The following KIF2C variants were observed in gnomAD, a reference collection of about 807,000 sequenced individuals.
KIF2C encodes kinesin family member 2C.
Under a neutral mutation model 97.4 loss-of-function variants are expected in KIF2C, and 34 were observed. The ratio of observed to expected loss-of-function variants is 0.35; its 90% CI spans 0.27 to 0.46. The LOEUF (loss-of-function observed/expected upper bound fraction) is 0.46, where lower values mean the gene tolerates loss of function less well. Ranked by LOEUF, KIF2C falls within the 20% of genes least tolerant of loss-of-function variation. KIF2C has a pLI of 1.00. For synonymous variants in KIF2C, 313 were observed against 318.2 expected, an observed-to-expected ratio of 0.98 and a Z score of 0.17; for missense variants, 750 against 907.6, an observed-to-expected ratio of 0.83 and a Z score of 2.23.
intron 6 of KIF2C, 36 bp downstream of exon 6, chr1:44,753,290 G>A (rs1367327657): frequency 6.3e-7 from 1 of 1,590,536 alleles, no homozygotes; most frequent in African/African-American, 1.3e-5. Flanking sequence ...TCTGCTTCTA[G>A]TGAGGCACAG....
At position 44,762,660 on chromosome 1, in the gene KIF2C, TA is replaced by T. The variant is rs1557601556; in HGVS notation, c.1971+3del. On this transcript the variant is annotated splice_donor_region_variant and intron_variant, in intron 19 of 20. Coordinates refer to ENST00000372224, the MANE Select transcript of KIF2C (RefSeq NM_006845.4). ...GAAGAGCTCAAGGAGATCATACAGG[TA>T]GGCAGCTGGCCCTGGACAGGGAGCT... 2 of 1,603,668 alleles carry T rather than the reference TA, an allele frequency of 1.2e-6. No individual in the cohort carries two copies. The highest frequency in any genetic ancestry group is 1.7e-5 in the Admixed American group (1 of 59,990).
intron 5 of KIF2C, among the ~76,000 whole-genome samples, chr1:44,751,324 T>C (rs1446759209): frequency 1.3e-5 from 2 of 151,978 alleles, no homozygotes; most frequent in Admixed American, 6.6e-5. Context: ...GCCTCCTGGG[T>C]AGCTGGGATT....
chr1:44,740,884 G>T, intron 1 of KIF2C, 29 bp from the exon 2 acceptor site: 1 of 1,520,824 alleles, frequency 6.6e-7, no homozygotes, highest in South Asian at 1.2e-5. Flanking sequence ...GAAAGAGATG[G>T]GTAACTCTGG....
At chr1:44,766,181 G>A (rs896121643) in intron 19 of KIF2C, among the ~76,000 whole-genome samples, 12 of 151,930 alleles carry the variant, frequency 7.9e-5, no homozygotes, top group African/African-American at 2.9e-4. Context: ...AGCCAGGATC[G>A]CACACCACTT....
At chr1:44,766,168 G>A (rs1650453820) in intron 19 of KIF2C, among the ~76,000 whole-genome samples, 2 of 152,304 alleles carry the variant, frequency 1.3e-5, no homozygotes, top group East Asian at 1.9e-4. Context: ...GGAGGTTGCA[G>A]TGAGCCAGGA....
chr1:44,740,187 C>A, intron 1 of KIF2C, 185 bp downstream of exon 1: 1 of 715,204 alleles, frequency 1.4e-6, no homozygotes, highest in Non-Finnish European at 2.5e-6. Flanking sequence ...AGAGTCCCTG[C>A]GCTGTACGTG....
At chr1:44,742,098 G>GT (rs1377194944) in intron 2 of KIF2C, among the ~76,000 whole-genome samples, 5 of 151,012 alleles carry the variant, frequency 3.3e-5, no homozygotes, top group African/African-American at 7.3e-5. Flanking sequence ...AATTTTCTGG[G>GT]TTTTTTTTGT....
chr1:44,767,001 C>T, intron 20 of KIF2C, 52 bp downstream of exon 20: 1 of 1,612,212 alleles, frequency 6.2e-7, no homozygotes, highest in Non-Finnish European at 8.5e-7. Flanking sequence ...TCTGCTGGCT[C>T]TTGGGCAGCT....
intron 13 of KIF2C, 199 bp from the exon 14 acceptor site, chr1:44,759,000 AAGTTACC>A (rs1649996162): frequency 1.7e-6 from 1 of 591,652 alleles, no homozygotes; most frequent in Non-Finnish European, 3.0e-6. Context: ...CACAGCTAGT[AAGTTACC>A]AGAGTCACAG....
chr1:44,753,955 ATTCT>A, intron 7 of KIF2C, 122 bp downstream of exon 7: 8 of 192,984 alleles, frequency 4.1e-5, no homozygotes, highest in South Asian at 1.4e-4. Flanking sequence ...TGAGGCCCCA[ATTCT>A]TTTTTTTTTT....
rs372918032 is a variant in KIF2C, at chr1:44,762,423, G to A, written c.1829G>A (p.Cys610Tyr). The change falls in exon 18 of 21, where the codon TGC (cysteine) becomes TAC (tyrosine). Residue 610 changes from cysteine (C) to tyrosine (Y), a missense_variant. Cys to Tyr is a radical substitution (Grantham distance 194). Coordinates refer to ENST00000372224, the MANE Select transcript of KIF2C (RefSeq NM_006845.4). ...IQMETEEMEACSNGALIPGNL... is the reference protein window; with the variant it reads ...IQMETEEMEAYSNGALIPGNL... ...ATGGAAACAGAAGAGATGGAAGCCT[G>A]CTCTAACGGGGCGCTGATTCCAGGC... 3.7e-6 allele frequency: 6 copies of A among 1,614,202 alleles called. No homozygotes were observed. Among genetic ancestry groups the A allele is most frequent in the Non-Finnish European group, 5.1e-6 (6 of 1,180,022 alleles).
At chr1:44,761,051 G>T in intron 16 of KIF2C, 1 of 256,766 alleles carries the variant, frequency 3.9e-6, no homozygotes, top group Non-Finnish European at 7.6e-6. Flanking sequence ...CCTCCCTCAG[G>T]TTCACTGGCT....
chr1:44,754,740 C>G lies in KIF2C; in HGVS notation c.664-10C>G. On this transcript the variant is annotated splice_polypyrimidine_tract_variant and intron_variant, in intron 7 of 20. Coordinates refer to ENST00000372224, the MANE Select transcript of KIF2C (RefSeq NM_006845.4). ...ACAGTCTGCCCTTTTTCACTCTCGT[C>G]TCAAACCAGGAGTATGACAGTAGTT... is the stretch of plus-strand genomic sequence containing the variant. 1 of 1,570,134 alleles carries G rather than the reference C, an allele frequency of 6.4e-7. No individual in the cohort carries two copies. Among genetic ancestry groups the G allele is most frequent in the Non-Finnish European group, 8.8e-7 (1 of 1,140,076 alleles).
intron 2 of KIF2C, among the ~76,000 whole-genome samples, chr1:44,743,835 C>T (rs1055399627): frequency 2.0e-5 from 3 of 151,976 alleles, no homozygotes; most frequent in South Asian, 2.1e-4. Flanking sequence ...TAGCATAGTA[C>T]GTATAGTAGA....
chr1:44,755,187 G>C (rs1452725666), intron 8 of KIF2C, among the ~76,000 whole-genome samples: 3 of 152,124 alleles, frequency 2.0e-5, no homozygotes, highest in Non-Finnish European at 4.4e-5. Context: ...GGAACTTCTG[G>C]GTTCAAGGAA....
chr1:44,742,444 G>T (rs988479957), intron 2 of KIF2C, among the ~76,000 whole-genome samples: 1 of 151,012 alleles, frequency 6.6e-6, no homozygotes, highest in Admixed American at 6.6e-5. Context: ...GCAGCCAGGC[G>T]CAGTGGCTCA....
intron 5 of KIF2C, among the ~76,000 whole-genome samples, chr1:44,751,449 G>C (rs542618440): frequency 2.0e-5 from 3 of 151,652 alleles, no homozygotes; most frequent in Admixed American, 2.0e-4. Context: ...GCCCACCTCG[G>C]CTTCCCAAAG....
At chr1:44,747,558 A>G (rs530112333) in intron 3 of KIF2C, 73 bp downstream of exon 3, 2 of 1,567,316 alleles carry the variant, frequency 1.3e-6, no homozygotes, top group South Asian at 2.3e-5. Context: ...TTGCTGATTG[A>G]TTGTCTGGCA....
In KIF2C at chr1:44,767,256, G is replaced by T. The variant is rs996756719; in HGVS notation, c.*77G>T. ...CTCCCCAGAGAACTTTGGGTACCTG[G>T]TGGGTCTAGGCAGGGTCTGAGCTGG... On this transcript the variant is annotated 3_prime_UTR_variant, in exon 21 of 21. Coordinates refer to ENST00000372224, the MANE Select transcript of KIF2C (RefSeq NM_006845.4). 7.1e-5 allele frequency: 93 copies of T among 1,317,056 alleles called. No individual in the cohort carries two copies. The highest frequency in any genetic ancestry group is 4.0e-4 in the African/African-American group (28 of 69,138). 81.6% of individuals were successfully genotyped at this position (1,317,056 alleles called of 1,614,324 possible).
Sources: allele counts gnomAD v4.1 joint callset (sites outside exome capture counted in the v4.1 genomes callset), GRCh38; gene constraint gnomAD v4.1.1; transcripts MANE v1.5; gene names NCBI Gene and HGNC (gene_info 2026-07-23, HGNC 2026-07-21).